The following TRMT2B variants were observed in gnomAD, a reference collection of about 807,000 sequenced individuals.
The protein encoded by TRMT2B is tRNA methyltransferase 2B.
Under a neutral mutation model 39.7 loss-of-function variants are expected in TRMT2B, and 34 were observed. The observed-to-expected ratio is 0.86, with a 90% confidence interval of 0.65 to 1.14. The LOEUF (loss-of-function observed/expected upper bound fraction) is 1.14, where lower values mean the gene tolerates loss of function less well. Ranked by LOEUF, TRMT2B falls within the 50% of genes most tolerant of loss-of-function variation. The probability of loss-of-function intolerance (pLI) is 0.00; values close to 1 mark genes in which losing one functional copy is unlikely to be tolerated. For synonymous variants in TRMT2B, 132 were observed against 137.3 expected (o/e 0.96, Z 0.27); for missense variants, 318 against 377.2 (o/e 0.84, Z 1.30).
chrX:101,046,061 G>A (rs1296148907), intron 2 of TRMT2B, among the ~76,000 whole-genome samples: 2 of 100,865 alleles, frequency 2.0e-5, no homozygotes, highest in South Asian at 9.0e-4. Context: ...CATGAGAATC[G>A]CTTCAACCCG....
intron 2 of TRMT2B, among the ~76,000 whole-genome samples, chrX:101,048,151 C>CACAA (rs1556364309): frequency 9.7e-6 from 1 of 103,228 alleles, no homozygotes; most frequent in East Asian, 2.9e-4. Context: ...CACACACACA[C>CACAA]AGAGAAAATT....
At chrX:101,031,877 A>C (rs1391190616) in intron 7 of TRMT2B, among the ~76,000 whole-genome samples, 1 of 111,689 alleles carries the variant, frequency 9.0e-6, no homozygotes, top group Non-Finnish European at 1.9e-5. Context: ...TAGGTCAATA[A>C]AATTTCACAA....
chrX:100,988,488 G>A, the TRMT2B span: 13 of 1,178,184 alleles, frequency 1.1e-5, no homozygotes, highest in South Asian at 1.9e-5. Flanking sequence ...AGAATACTAC[G>A]AAGCTTTGCT....
intron 13 of TRMT2B, among the ~76,000 whole-genome samples, chrX:101,012,384 C>T (rs2086292956): frequency 9.2e-6 from 1 of 108,854 alleles, no homozygotes; most frequent in East Asian, 2.9e-4. Context: ...AGGTTAGTTA[C>T]ATATGTATAC....
the TRMT2B span, among the ~76,000 whole-genome samples, chrX:101,002,716 T>C: frequency 2.8e-5 from 3 of 106,896 alleles, no homozygotes; most frequent in Admixed American, 1.0e-4. Flanking sequence ...GAGGCAGAGG[T>C]TGCAGTAAGC....
rs886744309 is a variant in TRMT2B, at chrX:101,042,218, G to A, written c.72C>T (p.Ser24=). 3 of 1,211,993 alleles carry A rather than the reference G, an allele frequency of 2.5e-6. No homozygotes were observed. Among genetic ancestry groups the A allele is most frequent in the Non-Finnish European group, 3.4e-6 (3 of 895,510 alleles). The change falls in exon 3 of 14, where the codon TCC becomes TCT. Residue 24 remains serine (S), a synonymous_variant. Transcript: ENST00000372936. The part of the protein sequence containing the change: ...RYFISMVGLF[S]KPGLLPWYAR... ...CATACCAGGGAAGCAGTCCTGGTTT[G>A]GAGAAGAGACCCACCATGGAGATGA...
intron 2 of TRMT2B, among the ~76,000 whole-genome samples, chrX:101,048,557 G>A (rs908479061): frequency 3.6e-5 from 4 of 112,164 alleles, no homozygotes; most frequent in African/African-American, 1.3e-4. Flanking sequence ...TCCTGCCTCA[G>A]CCTCCCGCGT....
At chrX:101,023,673 A>T in intron 7 of TRMT2B, 57 bp from the exon 8 acceptor site, 1 of 1,120,726 alleles carries the variant, frequency 8.9e-7, no homozygotes, top group Non-Finnish European at 1.2e-6. Flanking sequence ...ACAGCTGTTT[A>T]CTCATGCTAG....
chrX:101,026,538 A>G (rs1323349369), intron 7 of TRMT2B, among the ~76,000 whole-genome samples: 1 of 109,699 alleles, frequency 9.1e-6, no homozygotes, highest in Admixed American at 9.9e-5. Flanking sequence ...ACTGAGCTTG[A>G]CCTAAAAGAT....
intron 7 of TRMT2B, among the ~76,000 whole-genome samples, chrX:101,029,405 C>A (rs1031449251): frequency 4.5e-5 from 5 of 111,042 alleles, no homozygotes; most frequent in Non-Finnish European, 9.4e-5. Flanking sequence ...GATTCTTTCT[C>A]ATAAATAAGT....
At chrX:101,018,552 C>T (rs951438736) in intron 13 of TRMT2B, among the ~76,000 whole-genome samples, 2 of 108,701 alleles carry the variant, frequency 1.8e-5, no homozygotes, top group African/African-American at 3.3e-5. Context: ...CGGGTTCAAG[C>T]GATTCTCCTG....
In TRMT2B at chrX:101,023,628, A is replaced by G. The variant is rs2086903550; in HGVS notation, c.610-12T>C. On this transcript the variant is annotated splice_polypyrimidine_tract_variant and intron_variant, in intron 7 of 13. Coordinates refer to ENST00000372936, the MANE Select transcript of TRMT2B (RefSeq NM_024917.6). ...AATACTTCATAGTACTAGGAAGAGAACCGAATTATTACACAAGCAAAACTA... is the reference window on the plus strand; with the variant it reads ...AATACTTCATAGTACTAGGAAGAGAGCCGAATTATTACACAAGCAAAACTA... The G allele has an allele frequency of 8.4e-7, 1 of 1,187,134 alleles. No individual in the cohort carries two copies. Among genetic ancestry groups the G allele is most frequent in the Non-Finnish European group, 1.1e-6 (1 of 877,109 alleles).
chrX:101,012,737 C>T (rs756179053), intron 13 of TRMT2B, among the ~76,000 whole-genome samples: 200 of 110,478 alleles, frequency 1.8e-3, no homozygotes, highest in Non-Finnish European at 3.2e-3. Context: ...AAATGTGGCA[C>T]ATATACACCA....
the TRMT2B span, among the ~76,000 whole-genome samples, chrX:100,997,371 A>G: frequency 8.9e-6 from 1 of 112,190 alleles, no homozygotes; most frequent in East Asian, 2.8e-4. Context: ...CTTCTGGTAC[A>G]CTGATCAAAA....
the TRMT2B span, chrX:100,985,884 C>T: frequency 9.9e-6 from 12 of 1,207,981 alleles, no homozygotes; most frequent in East Asian, 3.0e-5. Context: ...ATCTGCTGTC[C>T]GATAAAAGAG....
the TRMT2B span, among the ~76,000 whole-genome samples, chrX:100,995,913 T>C: frequency 1.9e-4 from 21 of 112,079 alleles, no homozygotes; most frequent in Admixed American, 1.8e-3. Flanking sequence ...AATGAAGAGT[T>C]CCACAGTTCT....
chrX:101,050,025 T>A (rs2088960755), intron 2 of TRMT2B, among the ~76,000 whole-genome samples: 1 of 110,952 alleles, frequency 9.0e-6, no homozygotes, highest in Non-Finnish European at 1.9e-5. Context: ...GCAGGCCCAT[T>A]TGAGGATTTG....
At chrX:101,010,770 T>C (rs568825958) in intron 13 of TRMT2B, 63 bp from the exon 14 acceptor site, 8 of 1,118,566 alleles carry the variant, frequency 7.2e-6, no homozygotes, top group South Asian at 4.4e-5. Flanking sequence ...AGGAATACAA[T>C]TGCCTAAAAT....
At chrX:101,014,171 G>A (rs546041232) in intron 13 of TRMT2B, among the ~76,000 whole-genome samples, 4 of 112,043 alleles carry the variant, frequency 3.6e-5, no homozygotes, top group East Asian at 2.8e-4. Flanking sequence ...ATGTACACAC[G>A]TACGTGTGCA....
Sources: allele counts gnomAD v4.1 joint callset (sites outside exome capture counted in the v4.1 genomes callset), GRCh38; gene constraint gnomAD v4.1.1; transcripts MANE v1.5; gene names NCBI Gene and HGNC (gene_info 2026-07-23, HGNC 2026-07-21).